ADCK1: variants seen among roughly 807,000 people sequenced by gnomAD.
The protein encoded by ADCK1 is aarF domain-containing protein kinase 1.
Under a neutral mutation model 52.3 loss-of-function variants are expected in ADCK1, and 41 were observed. The observed-to-expected ratio is 0.78, with a 90% CI of 0.61 to 1.02. ADCK1 has a LOEUF of 1.02. ADCK1 is among the 50% of genes least tolerant of loss of function. ADCK1 has a pLI of 0.00. For missense variants in ADCK1, 658 were observed against 679.5 expected (o/e 0.97, Z 0.35); for synonymous variants, 250 against 274.6 (o/e 0.91, Z 0.89).
intron 6 of ADCK1, among the ~76,000 whole-genome samples, chr14:77,907,115 C>T (rs748655383): frequency 3.9e-5 from 6 of 151,956 alleles, no homozygotes; most frequent in East Asian, 1.9e-4. Context: ...GGTTTCGCCA[C>T]GTTGCCCAGG....
chr14:77,867,705 G>C (rs1467998550), intron 4 of ADCK1, among the ~76,000 whole-genome samples: 1 of 152,176 alleles, frequency 6.6e-6, no homozygotes, highest in African/African-American at 2.4e-5. Context: ...TTCTCCCTGT[G>C]ACCACTGCCC....
chr14:77,870,957 CT>C (rs1164079449), intron 4 of ADCK1, among the ~76,000 whole-genome samples: 3 of 152,236 alleles, frequency 2.0e-5, no homozygotes, highest in Non-Finnish European at 2.9e-5. Flanking sequence ...TCCCTGTCTC[CT>C]CGTGACCCAG....
At chr14:77,882,159 G>A (rs895433270) in intron 4 of ADCK1, among the ~76,000 whole-genome samples, 1 of 152,094 alleles carries the variant, frequency 6.6e-6, no homozygotes, top group African/African-American at 2.4e-5. Context: ...GGAAAGGGTG[G>A]GTGAAACTCT....
intron 7 of ADCK1, 33 bp downstream of exon 7, chr14:77,907,952 G>A: frequency 6.3e-7 from 1 of 1,595,466 alleles, no homozygotes; most frequent in Non-Finnish European, 8.6e-7. Context: ...GCTGTGCCGG[G>A]GAACGTGGGC....
At position 77,861,278 on chromosome 14, in the gene ADCK1, A is replaced by T. The variant is rs564728884; in HGVS notation, c.423+1999A>T. Reference sequence around the variant, plus strand: ...TCTTACCAGGGCCCCACAGGCACACACTCTGTCTTCCCTGCCCTCTTCCTC... The same window carrying T: ...TCTTACCAGGGCCCCACAGGCACACTCTCTGTCTTCCCTGCCCTCTTCCTC... On this transcript the variant is annotated intron_variant, in intron 4 of 10. Transcript: ENST00000238561. Among the ~76,000 whole-genome samples the T allele has an allele frequency of 1.2e-4, 18 of 151,706 alleles. No individual in the cohort carries two copies. The East Asian group carries it at 3.5e-3, about 29-fold the overall frequency.
chr14:77,851,444 A>T (rs2082283690), intron 3 of ADCK1, among the ~76,000 whole-genome samples: 1 of 152,116 alleles, frequency 6.6e-6, no homozygotes, highest in East Asian at 1.9e-4. Context: ...GAGTAGTTTG[A>T]CAATCTCTTA....
intron 1 of ADCK1, among the ~76,000 whole-genome samples, chr14:77,814,994 C>T (rs549281397): frequency 6.6e-5 from 10 of 150,612 alleles, no homozygotes; most frequent in Non-Finnish European, 1.3e-4. Flanking sequence ...TCAAGCAATT[C>T]TCTTGCATCA....
chr14:77,810,597 T>C (rs1000102647), intron 1 of ADCK1, among the ~76,000 whole-genome samples: 11 of 150,802 alleles, frequency 7.3e-5, no homozygotes, highest in South Asian at 4.2e-4. Context: ...GTGGCACGAT[T>C]TCAGCTCACT....
At chr14:77,909,155 G>A (rs1440443876) in intron 7 of ADCK1, among the ~76,000 whole-genome samples, 1 of 133,798 alleles carries the variant, frequency 7.5e-6, no homozygotes, top group Non-Finnish European at 1.6e-5. Context: ...TTTTCCCTGA[G>A]ACGGAGTTTT....
At chr14:77,818,908 GT>G (rs1221070053) in intron 1 of ADCK1, 59 bp from the exon 2 acceptor site, 41 of 1,581,476 alleles carry the variant, frequency 2.6e-5, no homozygotes, top group Non-Finnish European at 3.3e-5. Context: ...TTGAACTTCA[GT>G]TTGACTAACT....
At chr14:77,827,994 A>C in intron 3 of ADCK1, 3 of 283,290 alleles carry the variant, frequency 1.1e-5, no homozygotes, top group South Asian at 8.5e-5. Flanking sequence ...ATGCCCGGAT[A>C]ATTTTTTGTG....
chr14:77,926,928 C>T (rs943143471), intron 9 of ADCK1, among the ~76,000 whole-genome samples: 1 of 152,140 alleles, frequency 6.6e-6, no homozygotes, highest in Non-Finnish European at 1.5e-5. Context: ...TCTTCACAGC[C>T]TATTAATTTG....
Position 77,931,523 on chromosome 14 carries a change from A to AC in ADCK1, c.1212_1213insC (p.Glu405ArgfsTer38). The stretch of plus-strand genomic sequence containing the variant: ...TTGCCCCATTGCTGCTTCAGGACTT[A>AC]GAGATTCGCAACAACGCGGCCAACT... On this transcript the variant is annotated frameshift_variant, in exon 10 of 11. Coordinates refer to ENST00000238561, the MANE Select transcript of ADCK1 (RefSeq NM_020421.4). LOFTEE classifies it high-confidence loss of function. 6.2e-7 allele frequency: 1 copy of AC among 1,613,020 alleles called. No homozygotes were observed. Among genetic ancestry groups the AC allele is most frequent in the Non-Finnish European group, 8.5e-7 (1 of 1,179,286 alleles).
chr14:77,894,426 T>C (rs2083352750), intron 5 of ADCK1, among the ~76,000 whole-genome samples: 1 of 152,206 alleles, frequency 6.6e-6, no homozygotes, highest in Non-Finnish European at 1.5e-5. Context: ...AGTTGCATTT[T>C]ACAGTTTACA....
intron 5 of ADCK1, among the ~76,000 whole-genome samples, chr14:77,896,870 A>G (rs1320865239): frequency 6.6e-6 from 1 of 152,234 alleles, no homozygotes; most frequent in Non-Finnish European, 1.5e-5. Context: ...TTTTGGTAGA[A>G]ATTGAGCATG....
At chr14:77,851,238 T>C (rs780617623) in intron 3 of ADCK1, among the ~76,000 whole-genome samples, 15 of 151,636 alleles carry the variant, frequency 9.9e-5, no homozygotes, top group Non-Finnish European at 1.8e-4. Flanking sequence ...CTGCCTCAGC[T>C]TCCCGAGTAG....
intron 3 of ADCK1, among the ~76,000 whole-genome samples, chr14:77,836,461 C>T (rs896147307): frequency 3.9e-5 from 6 of 152,198 alleles, no homozygotes; most frequent in African/African-American, 1.4e-4. Flanking sequence ...GATGAAGAAA[C>T]TGATGAACAG....
chr14:77,900,841 C>A (rs2140242183), intron 6 of ADCK1, among the ~76,000 whole-genome samples: 1 of 152,218 alleles, frequency 6.6e-6, no homozygotes, highest in East Asian at 1.9e-4. Flanking sequence ...TTTGTGTTTT[C>A]AAAACAAGTA....
intron 3 of ADCK1, among the ~76,000 whole-genome samples, chr14:77,856,007 C>T (rs1047511205): frequency 2.4e-4 from 37 of 151,988 alleles, no homozygotes; most frequent in South Asian, 2.1e-4. Flanking sequence ...CTCAGGAGTT[C>T]GATACCAGCC....
Sources: allele counts gnomAD v4.1 joint callset (sites outside exome capture counted in the v4.1 genomes callset), GRCh38; gene constraint gnomAD v4.1.1; transcripts MANE v1.5; gene names NCBI Gene and HGNC (gene_info 2026-07-23, HGNC 2026-07-21).